Variants in PHACTR3 observed in about 807,000 individuals in gnomAD.
The protein encoded by PHACTR3 is protein phosphatase 1, regulatory subunit 123.
Under a neutral mutation model 66.8 loss-of-function variants are expected in PHACTR3, and 16 were observed. The ratio of observed to expected loss-of-function variants is 0.24; its 90% CI spans 0.16 to 0.36. The LOEUF (loss-of-function observed/expected upper bound fraction) is 0.36. Among genes scored for constraint, PHACTR3 ranks in the 10% least tolerant of loss-of-function variants. The pLI is 1.00. For synonymous variants in PHACTR3, 323 were observed against 292.1 expected (o/e 1.11, Z -1.08); for missense variants, 647 against 719.9 (o/e 0.90, Z 1.16).
intron 4 of PHACTR3, among the ~76,000 whole-genome samples, chr20:59,759,586 G>C (rs2039926342): frequency 6.6e-6 from 1 of 152,056 alleles, no homozygotes; most frequent in Non-Finnish European, 1.5e-5. Context: ...TTCTGCTTTG[G>C]GCCCCAGTAT....
In PHACTR3 at chr20:59,604,873, C is replaced by G; in HGVS notation, c.-142C>G. 1 of 1,183,686 alleles carries G rather than the reference C, an allele frequency of 8.4e-7. No individual in the cohort carries two copies. The highest frequency in any genetic ancestry group is 1.0e-6 in the Non-Finnish European group (1 of 960,408). 73.3% of individuals were successfully genotyped at this position (1,183,686 alleles called of 1,614,324 possible). On this transcript the variant is annotated 5_prime_UTR_variant, in exon 1 of 13. Coordinates refer to ENST00000371015, the MANE Select transcript of PHACTR3 (RefSeq NM_080672.5). The stretch of plus-strand genomic sequence containing the variant: ...TCTTTCTCCAGCTCGTTTCCTTTCC[C>G]GGCCTTTTTTTTTTTTTTTTTTTTT...
intron 1 of PHACTR3, among the ~76,000 whole-genome samples, chr20:59,577,957 TCA>T (rs2032761172): frequency 6.6e-6 from 1 of 152,260 alleles, no homozygotes; most frequent in Admixed American, 6.5e-5. Context: ...TTGCTGCGCC[TCA>T]GTTTCTGCAT....
chr20:59,761,457 C>G (rs988469977), intron 4 of PHACTR3, among the ~76,000 whole-genome samples: 2 of 152,148 alleles, frequency 1.3e-5, no homozygotes, highest in African/African-American at 2.4e-5. Context: ...CCATGGCTCA[C>G]CACATCCATC....
In PHACTR3 at chr20:59,847,333, T is replaced by G. The variant is rs2059169200; in HGVS notation, c.*203T>G. On this transcript the variant is annotated 3_prime_UTR_variant, in exon 13 of 13. Coordinates refer to ENST00000371015, the MANE Select transcript of PHACTR3 (RefSeq NM_080672.5). The stretch of plus-strand genomic sequence containing the variant: ...AGGACACACTTCCTTCCTTCTTTGG[T>G]GTCTGAGGAGTGTGAACTGTTGGGG... 5 of 450,384 alleles carry G rather than the reference T, an allele frequency of 1.1e-5. No homozygotes were observed. In the Admixed American group the frequency reaches 1.6e-4, roughly 15 times the overall value. The allele number at this position is 450,384 out of a possible 1,614,324, so 27.9% of individuals were successfully genotyped here. A position where few individuals can be genotyped will look rare whatever the true frequency, so the allele number is the denominator to read the frequency against.
chr20:59,583,781 T>C (rs1019740420), intron 1 of PHACTR3, among the ~76,000 whole-genome samples: 5 of 152,208 alleles, frequency 3.3e-5, no homozygotes, highest in Non-Finnish European at 7.3e-5. Context: ...GGGTTTGCGT[T>C]GTGGGCTTTG....
At chr20:59,750,786 C>T (rs1173654628) in intron 3 of PHACTR3, among the ~76,000 whole-genome samples, 1 of 152,206 alleles carries the variant, frequency 6.6e-6, no homozygotes, top group Non-Finnish European at 1.5e-5. Flanking sequence ...GCAGTCGACT[C>T]TTCTGTGCTG....
intron 7 of PHACTR3, among the ~76,000 whole-genome samples, chr20:59,799,065 A>G (rs2041337666): frequency 6.6e-6 from 1 of 152,030 alleles, no homozygotes; most frequent in Admixed American, 6.6e-5. Flanking sequence ...AATTTAATTT[A>G]GTTTCCAAAT....
chr20:59,762,705 C>T (rs1374969487), intron 4 of PHACTR3, among the ~76,000 whole-genome samples: 1 of 152,194 alleles, frequency 6.6e-6, no homozygotes, highest in African/African-American at 2.4e-5. Flanking sequence ...TTCTACCTGG[C>T]CCTCTGCAGA....
At chr20:59,773,818 G>A (rs1212624848) in intron 6 of PHACTR3, among the ~76,000 whole-genome samples, 6 of 152,226 alleles carry the variant, frequency 3.9e-5, no homozygotes, top group Non-Finnish European at 5.9e-5. Context: ...AGTTGTCACT[G>A]GGCAAGAGTG....
intron 1 of PHACTR3, among the ~76,000 whole-genome samples, chr20:59,657,611 C>A (rs2035663967): frequency 6.6e-6 from 1 of 152,106 alleles, no homozygotes; most frequent in Non-Finnish European, 1.5e-5. Context: ...TCCTTCAGCA[C>A]TTTGAATATA....
At chr20:59,836,395 G>T in intron 8 of PHACTR3, 110 bp from the exon 9 acceptor site, 1 of 949,088 alleles carries the variant, frequency 1.1e-6, no homozygotes, top group Middle Eastern at 3.3e-4. Context: ...TTCCAATTTT[G>T]GGAGGCGATC....
intron 1 of PHACTR3, among the ~76,000 whole-genome samples, chr20:59,641,179 A>G (rs893762526): frequency 2.0e-5 from 3 of 152,050 alleles, no homozygotes; most frequent in Non-Finnish European, 4.4e-5. Context: ...CTGTTCATCT[A>G]TCCATCCATT....
At chr20:59,727,090 C>G (rs2038592533) in intron 1 of PHACTR3, among the ~76,000 whole-genome samples, 1 of 152,144 alleles carries the variant, frequency 6.6e-6, no homozygotes, top group African/African-American at 2.4e-5. Context: ...CTCATTCTCC[C>G]CTCCTCCAAG....
At chr20:59,782,941 G>A (rs756858141) in intron 7 of PHACTR3, among the ~76,000 whole-genome samples, 2 of 152,194 alleles carry the variant, frequency 1.3e-5, no homozygotes, top group Non-Finnish European at 2.9e-5. Flanking sequence ...CTGTCTAAAT[G>A]TAAAGAAAGC....
At chr20:59,787,248 G>A (rs948356830) in intron 7 of PHACTR3, among the ~76,000 whole-genome samples, 3 of 152,234 alleles carry the variant, frequency 2.0e-5, no homozygotes, top group African/African-American at 7.2e-5. Flanking sequence ...GGGCACAGGC[G>A]TTCTCGCAGA....
chr20:59,640,791 A>T (rs150165781), intron 1 of PHACTR3, among the ~76,000 whole-genome samples: 1 of 152,232 alleles, frequency 6.6e-6, no homozygotes, highest in East Asian at 1.9e-4. Context: ...AAGGTGATGA[A>T]CTCCAAGAAC....
chr20:59,590,075 T>C (rs1397566745), intron 1 of PHACTR3, among the ~76,000 whole-genome samples: 1 of 152,190 alleles, frequency 6.6e-6, no homozygotes, highest in African/African-American at 2.4e-5. Flanking sequence ...GTGGGAAATA[T>C]ATGGTACTGG....
intron 8 of PHACTR3, among the ~76,000 whole-genome samples, chr20:59,810,813 C>G (rs777708174): frequency 9.9e-5 from 15 of 152,146 alleles, no homozygotes; most frequent in Non-Finnish European, 1.2e-4. Flanking sequence ...TGTGTAGGAG[C>G]TCAGCTTACC....
rs547757736 is a variant in PHACTR3 at position 59,584,133 on chromosome 20, ACTCAGTGC to A, written c.109+6535_109+6542del. Reference sequence around the variant, plus strand: ...CCGTGTGTGCAACGGGGCAGCCCTGACTCAGTGCCTCAGTGCCTCAGTGCCTTGGGTGG... The same window carrying A: ...CCGTGTGTGCAACGGGGCAGCCCTGACTCAGTGCCTCAGTGCCTTGGGTGG... On this transcript the variant is annotated intron_variant, in intron 1 of 12. Transcript: ENST00000359926. Among the ~76,000 whole-genome samples the A allele has an allele frequency of 7.8e-4, 119 of 152,308 alleles. 1 individual carries two copies. In the Middle Eastern group the frequency reaches 0.017, roughly 22 times the overall value.
Sources: allele counts gnomAD v4.1 joint callset (sites outside exome capture counted in the v4.1 genomes callset), GRCh38; gene constraint gnomAD v4.1.1; transcripts MANE v1.5; gene names NCBI Gene and HGNC (gene_info 2026-07-23, HGNC 2026-07-21).